Variants in PDE10A observed in about 807,000 individuals in gnomAD.
The protein encoded by PDE10A is phosphodiesterase 10A.
PDE10A carries 39 observed loss-of-function variants against 97.7 expected under a neutral mutation model. The ratio of observed to expected loss-of-function variants is 0.40; its 90% CI spans 0.31 to 0.52. The LOEUF (loss-of-function observed/expected upper bound fraction) is 0.52, where lower values mean the gene tolerates loss of function less well. PDE10A is among the 20% of genes least tolerant of loss of function. The pLI, the probability that PDE10A is intolerant of heterozygous loss-of-function variation, is 0.56. For missense variants in PDE10A, 731 were observed against 1,047.8 expected, an observed-to-expected ratio of 0.70 and a Z score of 4.17; for synonymous variants, 371 against 376.8, an observed-to-expected ratio of 0.98 and a Z score of 0.18.
At chr6:165,947,269 T>G (rs1274410448) in intron 1 of PDE10A, 1 of 152,236 alleles carries the variant, frequency 6.6e-6, no homozygotes, top group Non-Finnish European at 1.5e-5. Flanking sequence ...ACATTTAGGA[T>G]TAGACTACAT....
intron 2 of PDE10A, among the ~76,000 whole-genome samples, chr6:165,490,592 C>G (rs1257917296): frequency 6.6e-6 from 1 of 152,058 alleles, no homozygotes; most frequent in Non-Finnish European, 1.5e-5. Context: ...ACAATAGTAC[C>G]TCATATCTCA....
intron 2 of PDE10A, among the ~76,000 whole-genome samples, chr6:165,540,761 C>T (rs1783387751): frequency 6.6e-6 from 1 of 152,206 alleles, no homozygotes; most frequent in African/African-American, 2.4e-5. Flanking sequence ...TCCCAAGTAG[C>T]TGGGATTACA....
chr6:165,980,609 G>A (rs1373860201), intron 1 of PDE10A, among the ~76,000 whole-genome samples: 1 of 152,206 alleles, frequency 6.6e-6, no homozygotes, highest in Non-Finnish European at 1.5e-5. Flanking sequence ...ATATGAAAGG[G>A]ATGTTACATA....
intron 2 of PDE10A, among the ~76,000 whole-genome samples, chr6:165,529,493 A>G (rs894757411): frequency 6.6e-6 from 1 of 152,210 alleles, no homozygotes; most frequent in Non-Finnish European, 1.5e-5. Context: ...GCTGAAGGCC[A>G]AGGAAATACA....
chr6:165,682,872 A>C (rs1276878445), intron 1 of PDE10A, among the ~76,000 whole-genome samples: 1 of 152,124 alleles, frequency 6.6e-6, no homozygotes, highest in African/African-American at 2.4e-5. Context: ...CTTCCAGCAC[A>C]CTGTACCTGC....
intron 1 of PDE10A, among the ~76,000 whole-genome samples, chr6:165,602,242 G>C (rs1271363784): frequency 2.0e-5 from 3 of 152,152 alleles, no homozygotes; most frequent in Non-Finnish European, 4.4e-5. Context: ...GATCCCCACT[G>C]TCTCCCTCCT....
intron 1 of PDE10A, among the ~76,000 whole-genome samples, chr6:165,796,197 G>T (rs1029023096): frequency 4.3e-5 from 6 of 139,898 alleles, no homozygotes; most frequent in African/African-American, 1.6e-4. Flanking sequence ...CCGAGTTCAC[G>T]CCATTCTCCT....
At chr6:165,715,703 C>T (rs1475634667) in intron 1 of PDE10A, among the ~76,000 whole-genome samples, 1 of 152,124 alleles carries the variant, frequency 6.6e-6, no homozygotes, top group Non-Finnish European at 1.5e-5. Context: ...GGTGGTTTGT[C>T]CAGGAAAGAA....
At chr6:165,448,414 C>A (rs531152304) in intron 5 of PDE10A, among the ~76,000 whole-genome samples, 1 of 152,282 alleles carries the variant, frequency 6.6e-6, no homozygotes, top group East Asian at 1.9e-4. Flanking sequence ...ACTGGAACAG[C>A]CACAGCTGAG....
intron 1 of PDE10A, among the ~76,000 whole-genome samples, chr6:165,928,059 T>G (rs7763916): frequency 6.6e-6 from 1 of 150,428 alleles, no homozygotes; most frequent in African/African-American, 2.4e-5. Flanking sequence ...ACTATTTATA[T>G]GTAATTAAAC....
intron 18 of PDE10A, among the ~76,000 whole-genome samples, chr6:165,373,913 G>A (rs1273894744): frequency 6.6e-6 from 1 of 151,670 alleles, no homozygotes; most frequent in Non-Finnish European, 1.5e-5. Context: ...AAAAAATGAT[G>A]AGTTCATGTC....
intron 1 of PDE10A, among the ~76,000 whole-genome samples, chr6:165,650,781 AG>A (rs1170026028): frequency 4.3e-4 from 65 of 151,058 alleles, no homozygotes; most frequent in African/African-American, 1.6e-3. Flanking sequence ...TTTTGTCGCC[AG>A]GTTGGAGTGC....
Position 165,388,693 on chromosome 6 carries a change from A to AT in PDE10A, c.2455-241dup, listed in dbSNP as rs1785467651. On this transcript the variant is annotated intron_variant, in intron 16 of 21. Transcript: ENST00000539869. The surrounding 1 kb of genome is among the most constrained non-coding windows in gnomAD (Gnocchi z 4.0). The stretch of plus-strand genomic sequence containing the variant: ...TGCTTAGGAATCTGATAGTCAAATT[A>AT]TTTTTGAGTTTCTCTCTCAACTCTA... Among the ~76,000 whole-genome samples, 1 of 152,148 alleles carries AT rather than the reference A, an allele frequency of 6.6e-6. No homozygotes were observed. Among genetic ancestry groups the AT allele is most frequent in the South Asian group, 2.1e-4 (1 of 4,828 alleles).
At chr6:165,745,781 T>A (rs1468806345) in intron 1 of PDE10A, among the ~76,000 whole-genome samples, 2 of 152,188 alleles carry the variant, frequency 1.3e-5, no homozygotes, top group Non-Finnish European at 2.9e-5. Context: ...TTACCAAGTT[T>A]TGTTTCGATA....
At chr6:165,447,648 GAAGT>G (rs1790966662) in intron 5 of PDE10A, among the ~76,000 whole-genome samples, 1 of 152,200 alleles carries the variant, frequency 6.6e-6, no homozygotes, top group Admixed American at 6.5e-5. Flanking sequence ...GCACCGAAAA[GAAGT>G]AATATCCATT....
chr6:165,937,491 ATC>A (rs894079668), intron 1 of PDE10A, among the ~76,000 whole-genome samples: 6 of 152,232 alleles, frequency 3.9e-5, no homozygotes, highest in Admixed American at 1.3e-4. Context: ...AAAAAAAGCA[ATC>A]TGTTCTTAAT....
At chr6:165,406,109 A>G (rs1787127669) in intron 13 of PDE10A, among the ~76,000 whole-genome samples, 2 of 152,174 alleles carry the variant, frequency 1.3e-5, no homozygotes, top group Admixed American at 1.3e-4. Flanking sequence ...TTATCTATAA[A>G]CTTGTAGACT....
intron 1 of PDE10A, among the ~76,000 whole-genome samples, chr6:165,855,030 A>C (rs868815075): frequency 7.0e-4 from 101 of 143,602 alleles, no homozygotes; most frequent in East Asian, 5.8e-3. Context: ...TGAATGAATG[A>C]ATGCATGAAT....
rs189408733 is a variant in PDE10A at position 165,701,217 on chromosome 6, C to G, written c.-614-157649G>C. On this transcript the variant is annotated intron_variant, in intron 1 of 19. Transcript: ENST00000366882. ...GCAAATTCCTGGGTAAATAGGAAAG[C>G]CTGCCGAAGAGTGACCTGTCCAGGC... Among the ~76,000 whole-genome samples, 241 of 152,322 alleles carry G rather than the reference C, an allele frequency of 1.6e-3. 4 individuals are homozygous for G. Among genetic ancestry groups the G allele is most frequent in the Admixed American group, 0.014 (214 of 15,298 alleles).
Sources: allele counts gnomAD v4.1 joint callset (sites outside exome capture counted in the v4.1 genomes callset), GRCh38; gene constraint gnomAD v4.1.1; non-coding constraint Gnocchi (gnomAD v3.1); transcripts MANE v1.5; gene names NCBI Gene and HGNC (gene_info 2026-07-23, HGNC 2026-07-21).